Variants in SHISA9 observed in about 807,000 individuals in gnomAD.
SHISA9 encodes shisa family member 9.
Under a neutral mutation model 38.0 loss-of-function variants are expected in SHISA9, and 13 were observed. The ratio of observed to expected loss-of-function variants is 0.34; its 90% CI spans 0.22 to 0.54. The LOEUF is 0.54. SHISA9 is among the 20% of genes least tolerant of loss of function. The pLI, the probability that SHISA9 is intolerant of heterozygous loss-of-function variation, is 0.91. For synonymous variants in SHISA9, 275 were observed against 242.0 expected (o/e 1.14, Z -1.27); for missense variants, 538 against 575.8 (o/e 0.93, Z 0.67).
At chr16:13,299,604 C>T in the SHISA9 span, among the ~76,000 whole-genome samples, 44 of 151,640 alleles carry the variant, frequency 2.9e-4, 1 homozygote, top group South Asian at 7.9e-3. Flanking sequence ...ATCCCAGCTA[C>T]GTGGGAGGCT....
intron 2 of SHISA9, among the ~76,000 whole-genome samples, chr16:13,020,306 G>A (rs577670102): frequency 1.3e-5 from 2 of 152,028 alleles, no homozygotes; most frequent in East Asian, 3.9e-4. Flanking sequence ...GATTACAGAT[G>A]TGAGCCACCA....
the SHISA9 span, among the ~76,000 whole-genome samples, chr16:13,274,222 T>C: frequency 2.0e-5 from 3 of 152,174 alleles, no homozygotes; most frequent in Non-Finnish European, 4.4e-5. Flanking sequence ...TAGGCCATCA[T>C]CTTGAGTTGT....
chr16:13,509,562 C>T, the SHISA9 span, among the ~76,000 whole-genome samples: 2 of 152,154 alleles, frequency 1.3e-5, no homozygotes, highest in African/African-American at 4.8e-5. Flanking sequence ...TAATATTATT[C>T]CTAAGGTATC....
chr16:13,005,471 A>C (rs1163363087), intron 2 of SHISA9, among the ~76,000 whole-genome samples: 1 of 152,172 alleles, frequency 6.6e-6, no homozygotes, highest in African/African-American at 2.4e-5. Context: ...GGTTCAGAGA[A>C]GTTAAGTAAT....
chr16:13,372,248 C>A, the SHISA9 span, among the ~76,000 whole-genome samples: 5 of 152,280 alleles, frequency 3.3e-5, no homozygotes, highest in South Asian at 2.1e-4. Flanking sequence ...AATTATTAAA[C>A]CTCAGAGTTA....
chr16:13,355,388 T>G, the SHISA9 span, among the ~76,000 whole-genome samples: 1 of 150,724 alleles, frequency 6.6e-6, no homozygotes, highest in African/African-American at 2.4e-5. Context: ...AAGGAGGGAG[T>G]AGAGGTATCT....
At chr16:13,492,615 T>C in the SHISA9 span, among the ~76,000 whole-genome samples, 3 of 152,270 alleles carry the variant, frequency 2.0e-5, no homozygotes, top group Admixed American at 2.0e-4. Flanking sequence ...ATGTAAGCCA[T>C]TCACCACTGT....
At chr16:13,289,646 GAGTC>G in the SHISA9 span, among the ~76,000 whole-genome samples, 2 of 152,032 alleles carry the variant, frequency 1.3e-5, no homozygotes, top group Non-Finnish European at 2.9e-5. Flanking sequence ...GACAGAGTGA[GAGTC>G]AGAGCAAGAG....
chr16:12,936,000 G>A (rs770884403), intron 2 of SHISA9, among the ~76,000 whole-genome samples: 1 of 152,126 alleles, frequency 6.6e-6, no homozygotes, highest in Admixed American at 6.5e-5. Context: ...GAAGAGAGGG[G>A]CTGCCTTCCA....
intron 2 of SHISA9, among the ~76,000 whole-genome samples, chr16:13,120,197 A>G (rs926204708): frequency 2.0e-5 from 3 of 152,222 alleles, no homozygotes; most frequent in African/African-American, 7.2e-5. Flanking sequence ...AATATTTCTT[A>G]TCTTTGGCCA....
the SHISA9 span, among the ~76,000 whole-genome samples, chr16:13,466,584 TA>T: frequency 1.3e-5 from 2 of 151,926 alleles, no homozygotes; most frequent in Non-Finnish European, 2.9e-5. Flanking sequence ...GTTGTTTTTT[TA>T]AAAAAAGTAA....
chr16:13,511,045 T>G, the SHISA9 span, among the ~76,000 whole-genome samples: 2 of 152,228 alleles, frequency 1.3e-5, no homozygotes, highest in Admixed American at 1.3e-4. Context: ...AGTTTGGACG[T>G]TCATCACTAC....
the SHISA9 span, among the ~76,000 whole-genome samples, chr16:13,367,658 G>GT: frequency 2.0e-5 from 3 of 149,632 alleles, no homozygotes; most frequent in African/African-American, 7.4e-5. Context: ...GGATGCGGGG[G>GT]GGAATGAAGA....
the SHISA9 span, among the ~76,000 whole-genome samples, chr16:13,375,975 A>G: frequency 0.052 from 7,818 of 149,880 alleles, 453 homozygotes; most frequent in African/African-American, 0.15. Flanking sequence ...AAATAGTGGG[A>G]AAAAAAAAAT....
At chr16:12,957,604 T>C (rs775291175) in intron 2 of SHISA9, among the ~76,000 whole-genome samples, 13 of 152,306 alleles carry the variant, frequency 8.5e-5, no homozygotes, top group Non-Finnish European at 1.8e-4. Flanking sequence ...AAAGGCACCA[T>C]GTTCTAATAG....
the SHISA9 span, among the ~76,000 whole-genome samples, chr16:13,344,628 A>G: frequency 2.0e-5 from 3 of 152,238 alleles, no homozygotes; most frequent in Admixed American, 6.5e-5. Context: ...AGTGGCAACA[A>G]TAATGACACA....
At chr16:13,043,815 C>G (rs1229798531) in intron 2 of SHISA9, among the ~76,000 whole-genome samples, 1 of 152,172 alleles carries the variant, frequency 6.6e-6, no homozygotes, top group Non-Finnish European at 1.5e-5. Context: ...CCTGAAATTC[C>G]TCTCTCCTGG....
At chr16:13,519,052 C>T in the SHISA9 span, among the ~76,000 whole-genome samples, 1 of 152,110 alleles carries the variant, frequency 6.6e-6, no homozygotes, top group Non-Finnish European at 1.5e-5. Flanking sequence ...CCAATATATG[C>T]TTTTGTGGAG....
At chr16:12,940,131 G>A (rs1388893545) in intron 2 of SHISA9, among the ~76,000 whole-genome samples, 2 of 152,138 alleles carry the variant, frequency 1.3e-5, no homozygotes, top group Non-Finnish European at 2.9e-5. Flanking sequence ...TGATCTTGAG[G>A]GGCAGAGTGT....
Sources: allele counts gnomAD v4.1 joint callset (sites outside exome capture counted in the v4.1 genomes callset), GRCh38; gene constraint gnomAD v4.1.1; transcripts MANE v1.5; gene names NCBI Gene and HGNC (gene_info 2026-07-23, HGNC 2026-07-21).